Variants in PPP1CC observed in about 807,000 individuals in gnomAD.
PPP1CC encodes the protein serine/threonine-protein phosphatase PP1-gamma catalytic subunit.
A neutral mutation model predicts 38.4 loss-of-function variants in PPP1CC; 16 were observed. The ratio of observed to expected loss-of-function variants is 0.42; its 90% confidence interval spans 0.28 to 0.63. The LOEUF (loss-of-function observed/expected upper bound fraction) is 0.63. PPP1CC is among the 30% of genes least tolerant of loss of function. The pLI is 0.25. For synonymous variants in PPP1CC, 158 were observed against 136.0 expected (o/e 1.16, Z -1.13); for missense variants, 170 against 391.3 (o/e 0.43, Z 4.77).
chr12:110,738,165 G>C (rs1402143106), intron 1 of PPP1CC, among the ~76,000 whole-genome samples: 1 of 152,078 alleles, frequency 6.6e-6, no homozygotes, highest in African/African-American at 2.4e-5. Flanking sequence ...TCTAGAAGAG[G>C]GATGACAGTA....
In PPP1CC at chr12:110,721,301, T is replaced by C. The variant is rs536495844; in HGVS notation, c.883-136A>G. 4 of 633,696 alleles carry C rather than the reference T, an allele frequency of 6.3e-6. No homozygotes were observed. The East Asian group carries it at 8.3e-5, about 13-fold the overall frequency. 39.3% of individuals were successfully genotyped at this position (633,696 alleles called of 1,614,324 possible). On this transcript the variant is annotated intron_variant, in intron 6 of 6. Coordinates refer to ENST00000335007, the MANE Select transcript of PPP1CC (RefSeq NM_002710.4). ...CAACTGTAAAAGCCCCCCTAGCATATTAACACAAGCTATGTTGAATGTAAA... is the reference window on the plus strand; with the variant it reads ...CAACTGTAAAAGCCCCCCTAGCATACTAACACAAGCTATGTTGAATGTAAA...
intron 1 of PPP1CC, among the ~76,000 whole-genome samples, chr12:110,734,005 T>C (rs1181526043): frequency 6.6e-6 from 1 of 152,208 alleles, no homozygotes; most frequent in Non-Finnish European, 1.5e-5. Flanking sequence ...TCTGCTCAGA[T>C]ACCACACTTC....
Position 110,722,272 on chromosome 12 carries a change from TGAAGA to T in PPP1CC, c.748-8_748-4del, listed in dbSNP as rs781751705. On this transcript the variant is annotated splice_region_variant and splice_polypyrimidine_tract_variant and intron_variant, in intron 5 of 6. Coordinates refer to ENST00000335007, the MANE Select transcript of PPP1CC (RefSeq NM_002710.4). The surrounding 1 kb of genome is among the most constrained non-coding windows in gnomAD (Gnocchi z 5.4). Reference sequence around the variant, plus strand: ...AATTCATATCCATCTTCAACCACCTTGAAGAGAAAATTTTTTCAATATAAATAGGT... The same window carrying T: ...AATTCATATCCATCTTCAACCACCTTGAAAATTTTTTCAATATAAATAGGT... The T allele has an allele frequency of 1.2e-6, 2 of 1,611,832 alleles. No individual in the cohort carries two copies. The highest frequency in any genetic ancestry group is 1.7e-6 in the Non-Finnish European group (2 of 1,178,496).
intron 1 of PPP1CC, 64 bp from the exon 2 acceptor site, chr12:110,731,965 G>C (rs1483492171): frequency 6.4e-7 from 1 of 1,560,904 alleles, no homozygotes; most frequent in Admixed American, 1.8e-5. Flanking sequence ...ACGAGATTTA[G>C]ATAAAGGGGC....
chr12:110,742,577 C>T (rs1285261959), intron 1 of PPP1CC, 76 bp downstream of exon 1: 9 of 1,267,590 alleles, frequency 7.1e-6, no homozygotes, highest in African/African-American at 4.7e-5. Context: ...CTCCCAACTC[C>T]CCTCCCTCGA....
chr12:110,713,145 T>C, the PPP1CC span, among the ~76,000 whole-genome samples: 1 of 152,000 alleles, frequency 6.6e-6, no homozygotes, highest in Non-Finnish European at 1.5e-5. Flanking sequence ...CTTTCTTTTT[T>C]TTTTGGAGAT....
chr12:110,741,527 A>G (rs931388050), intron 1 of PPP1CC, among the ~76,000 whole-genome samples: 1 of 152,208 alleles, frequency 6.6e-6, no homozygotes, highest in African/African-American at 2.4e-5. Context: ...AGCTCATTTC[A>G]GCTTCCGTCT....
chr12:110,728,699 A>G (rs1016440677), intron 3 of PPP1CC, among the ~76,000 whole-genome samples: 13 of 152,144 alleles, frequency 8.5e-5, no homozygotes, highest in African/African-American at 3.1e-4. Flanking sequence ...ACACAGAATC[A>G]CTGTTAATAT....
intron 1 of PPP1CC, among the ~76,000 whole-genome samples, chr12:110,733,606 C>G (rs2069907663): frequency 6.6e-6 from 1 of 152,094 alleles, no homozygotes; most frequent in African/African-American, 2.4e-5. Flanking sequence ...AAAGCAAAAG[C>G]AATACTAACA....
chr12:110,712,102 A>G, the PPP1CC span, among the ~76,000 whole-genome samples: 1 of 151,938 alleles, frequency 6.6e-6, no homozygotes, highest in East Asian at 1.9e-4. Context: ...AATACTTACC[A>G]TTGTGTTATA....
chr12:110,728,372 TGG>T, intron 3 of PPP1CC, among the ~76,000 whole-genome samples: 1 of 136,568 alleles, frequency 7.3e-6, no homozygotes, highest in Non-Finnish European at 1.5e-5. Context: ...CACTCCAGCC[TGG>T]GCGACAGAGC....
rs746894740 is a variant in PPP1CC, at chr12:110,722,111, A to T, written c.882+24T>A. 11 of 1,611,094 alleles carry T rather than the reference A, an allele frequency of 6.8e-6. No individual in the cohort carries two copies. Among genetic ancestry groups the T allele is most frequent in the Non-Finnish European group, 9.3e-6 (11 of 1,177,980 alleles). ...GCAAAGTGTAAACATATTAAAAGGA[A>T]ATCATGTTGAAAGCATGCTCTACCT... On this transcript the variant is annotated intron_variant, in intron 6 of 6. Coordinates refer to ENST00000335007, the MANE Select transcript of PPP1CC (RefSeq NM_002710.4). The surrounding 1 kb of genome is among the most constrained non-coding windows in gnomAD (Gnocchi z 5.4).
the PPP1CC span, among the ~76,000 whole-genome samples, chr12:110,711,927 A>T: frequency 1.6e-3 from 215 of 135,952 alleles, 2 homozygotes; most frequent in African/African-American, 6.1e-3. Context: ...CTCTGTCTCA[A>T]ACAACAACAA....
At chr12:110,739,132 C>A (rs186661243) in intron 1 of PPP1CC, among the ~76,000 whole-genome samples, 2 of 152,046 alleles carry the variant, frequency 1.3e-5, no homozygotes, top group African/African-American at 4.8e-5. Flanking sequence ...CCAGCCTGGC[C>A]TCATCTCTAC....
chr12:110,719,576 AG>A (rs1010133021), downstream of PPP1CC: 2 of 152,442 alleles, frequency 1.3e-5, no homozygotes, highest in African/African-American at 4.8e-5. Flanking sequence ...CAGAAAACAA[AG>A]TGAGCTGCTT....
chr12:110,737,477 C>CAAAAAAAAAA (rs71083137), intron 1 of PPP1CC, among the ~76,000 whole-genome samples: 450 of 42,240 alleles, frequency 0.011, 1 homozygote, highest in African/African-American at 0.012. Context: ...AAGAAAGACT[C>CAAAAAAAAAA]AAAAAAAAAA....
chr12:110,733,758 C>T (rs1415934744), intron 1 of PPP1CC, among the ~76,000 whole-genome samples: 1 of 152,102 alleles, frequency 6.6e-6, no homozygotes, highest in Non-Finnish European at 1.5e-5. Context: ...GGATTACAGG[C>T]ATGAGCCACT....
intron 3 of PPP1CC, among the ~76,000 whole-genome samples, chr12:110,730,219 C>T (rs971894826): frequency 1.3e-5 from 2 of 152,174 alleles, no homozygotes; most frequent in East Asian, 1.9e-4. Flanking sequence ...ATTAGCCAAG[C>T]GTGGTGATGC....
In PPP1CC at chr12:110,742,458, A is replaced by G. The variant is rs112780089; in HGVS notation, c.55+195T>C. ...AATGAGCGGAGCCTGGAGGGTCCGC[A>G]GCTGGCGACAAGTTGGGAATCCCGG... On this transcript the variant is annotated intron_variant, in intron 1 of 6. Coordinates refer to ENST00000335007, the MANE Select transcript of PPP1CC (RefSeq NM_002710.4). 1.5e-3 allele frequency among the ~76,000 whole-genome samples: 224 copies of G among 152,288 alleles called. 1 individual carries two copies. Among genetic ancestry groups the G allele is most frequent in the African/African-American group, 5.1e-3 (210 of 41,572 alleles).
Sources: gnomAD v4.1 joint callset for allele counts (sites outside exome capture counted in the v4.1 genomes callset) on GRCh38, gnomAD v4.1.1 for gene constraint, Gnocchi (gnomAD v3.1) non-coding constraint, MANE v1.5 for transcripts, NCBI Gene and HGNC (gene_info 2026-07-23, HGNC 2026-07-21) for gene names.